The following IMMP1L variants were observed in gnomAD, a reference collection of about 807,000 sequenced individuals.
IMMP1L encodes the protein mitochondrial inner membrane protease subunit 1.
A neutral mutation model predicts 21.8 loss-of-function variants in IMMP1L; 24 were observed. The observed-to-expected ratio is 1.10, with a 90% CI of 0.80 to 1.55. The LOEUF (loss-of-function observed/expected upper bound fraction) is 1.55, where lower values mean the gene tolerates loss of function less well. Ranked by LOEUF, IMMP1L falls within the 40% of genes most tolerant of loss-of-function variation. The probability of loss-of-function intolerance (pLI) is 0.00; values close to 1 mark genes in which losing one functional copy is unlikely to be tolerated. For synonymous variants in IMMP1L, 46 were observed against 62.8 expected (o/e 0.73, Z 1.26); for missense variants, 195 against 200.7 (o/e 0.97, Z 0.17).
intron 1 of IMMP1L, among the ~76,000 whole-genome samples, chr11:31,471,937 T>A (rs1471726431): frequency 6.6e-6 from 1 of 152,190 alleles, no homozygotes; most frequent in Non-Finnish European, 1.5e-5. Flanking sequence ...AGAATCCATT[T>A]CCTTGCCTTT....
chr11:31,505,713 G>A (rs1655824202), intron 1 of IMMP1L, among the ~76,000 whole-genome samples: 1 of 152,104 alleles, frequency 6.6e-6, no homozygotes, highest in African/African-American at 2.4e-5. Flanking sequence ...TGGCACCCTT[G>A]AGACTACAAG....
chr11:31,435,645 T>C (rs978836505), intron 4 of IMMP1L, among the ~76,000 whole-genome samples: 5 of 152,218 alleles, frequency 3.3e-5, no homozygotes, highest in Non-Finnish European at 7.3e-5. Context: ...AGGCATTTAA[T>C]TCCTTCTCTG....
At chr11:31,452,838 C>T (rs1953802282) in intron 4 of IMMP1L, 1 of 752,298 alleles carries the variant, frequency 1.3e-6, no homozygotes, top group Non-Finnish European at 1.7e-6. Context: ...GCAACCTCCA[C>T]CTCCCAGGTT....
Position 31,433,909 on chromosome 11 carries a change from T to C in IMMP1L, c.322-339A>G, listed in dbSNP as rs1201093345. On this transcript the variant is annotated intron_variant, in intron 4 of 5. Coordinates refer to ENST00000532287, the MANE Select transcript of IMMP1L (RefSeq NM_001304274.2). ...ACTTCAAAAGAGGTCATTAGGATGC[T>C]GACTGAAAATGCGCCCTTGTGTCTC... 2.6e-5 allele frequency among the ~76,000 whole-genome samples: 4 copies of C among 152,176 alleles called. 1 individual carries two copies. The highest frequency in any genetic ancestry group is 4.4e-5 in the Non-Finnish European group (3 of 68,038).
chr11:31,471,277 T>G (rs1057462955), intron 1 of IMMP1L, among the ~76,000 whole-genome samples: 3 of 152,156 alleles, frequency 2.0e-5, no homozygotes, highest in Admixed American at 2.0e-4. Context: ...AGAAACCTGT[T>G]TGGATAAGGC....
chr11:31,450,921 A>C (rs1379805457), intron 4 of IMMP1L, among the ~76,000 whole-genome samples: 1 of 152,188 alleles, frequency 6.6e-6, no homozygotes, highest in Non-Finnish European at 1.5e-5. Flanking sequence ...TGCGATTAAA[A>C]TGAGTCCCTG....
At chr11:31,458,381 A>G (rs1424887481) in intron 3 of IMMP1L, among the ~76,000 whole-genome samples, 1 of 152,134 alleles carries the variant, frequency 6.6e-6, no homozygotes, top group African/African-American at 2.4e-5. Flanking sequence ...TAATCTTAAC[A>G]TTCTCTATAA....
intron 1 of IMMP1L, among the ~76,000 whole-genome samples, chr11:31,494,636 A>G (rs926407627): frequency 1.3e-5 from 2 of 151,920 alleles, no homozygotes; most frequent in African/African-American, 4.8e-5. Flanking sequence ...TCAGGCTGCA[A>G]ATTTTCCAAA....
intron 1 of IMMP1L, among the ~76,000 whole-genome samples, chr11:31,476,934 C>T (rs1271662649): frequency 1.3e-5 from 2 of 152,078 alleles, no homozygotes; most frequent in South Asian, 2.1e-4. Context: ...AAGCACACAA[C>T]TAAACCTCCA....
chr11:31,448,576 A>T (rs2133594796), intron 4 of IMMP1L, among the ~76,000 whole-genome samples: 1 of 152,346 alleles, frequency 6.6e-6, no homozygotes, highest in South Asian at 2.1e-4. Context: ...GATTCATACC[A>T]ATAGCACTAA....
intron 1 of IMMP1L, among the ~76,000 whole-genome samples, chr11:31,466,207 A>C (rs1326300697): frequency 6.6e-6 from 1 of 152,154 alleles, no homozygotes; most frequent in Non-Finnish European, 1.5e-5. Context: ...AACTATAATC[A>C]GGTATCATCT....
At chr11:31,437,493 C>A (rs1953165547) in intron 4 of IMMP1L, among the ~76,000 whole-genome samples, 2 of 151,972 alleles carry the variant, frequency 1.3e-5, no homozygotes, top group South Asian at 4.1e-4. Context: ...ACTCAGTTTA[C>A]CAGTAAAAAA....
intron 1 of IMMP1L, among the ~76,000 whole-genome samples, chr11:31,489,659 T>A (rs1005208928): frequency 2.0e-5 from 3 of 152,212 alleles, no homozygotes; most frequent in African/African-American, 7.2e-5. Context: ...TAATTCTTCA[T>A]TTCTGCCAAT....
intron 1 of IMMP1L, among the ~76,000 whole-genome samples, chr11:31,479,637 T>C (rs950429789): frequency 6.6e-5 from 10 of 152,028 alleles, no homozygotes; most frequent in African/African-American, 2.4e-4. Flanking sequence ...TAAACACACA[T>C]TGGACTCTGA....
intron 1 of IMMP1L, among the ~76,000 whole-genome samples, chr11:31,486,992 T>C (rs1040184678): frequency 8.6e-5 from 13 of 151,880 alleles, no homozygotes; most frequent in Non-Finnish European, 1.8e-4. Flanking sequence ...ATGCCAGTAA[T>C]ACTCTAAGGT....
At chr11:31,507,147 C>T (rs992016738) in intron 1 of IMMP1L, among the ~76,000 whole-genome samples, 2 of 149,198 alleles carry the variant, frequency 1.3e-5, no homozygotes, top group Non-Finnish European at 3.0e-5. Flanking sequence ...GGCGTGGTGA[C>T]GGGCGCCTGT....
chr11:31,449,469 C>T (rs1056184801), intron 4 of IMMP1L, among the ~76,000 whole-genome samples: 1 of 152,130 alleles, frequency 6.6e-6, no homozygotes, highest in African/African-American at 2.4e-5. Flanking sequence ...GGTTGTCCAT[C>T]AGTTTTATTT....
At chr11:31,437,461 A>G (rs1031116374) in intron 4 of IMMP1L, among the ~76,000 whole-genome samples, 11 of 152,240 alleles carry the variant, frequency 7.2e-5, no homozygotes, top group African/African-American at 2.7e-4. Context: ...TCGCATATTC[A>G]GATTAGGGAT....
intron 1 of IMMP1L, among the ~76,000 whole-genome samples, chr11:31,498,672 T>C (rs1955525710): frequency 6.6e-6 from 1 of 152,156 alleles, no homozygotes; most frequent in Non-Finnish European, 1.5e-5. Flanking sequence ...AAGTGGAAAA[T>C]AGTGGATAAG....
Sources: allele counts gnomAD v4.1 joint callset (sites outside exome capture counted in the v4.1 genomes callset), GRCh38; gene constraint gnomAD v4.1.1; transcripts MANE v1.5; gene names NCBI Gene and HGNC (gene_info 2026-07-23, HGNC 2026-07-21).